CCDC170: variants seen among roughly 807,000 people sequenced by gnomAD.
CCDC170 encodes coiled-coil domain containing 170, also known as coiled-coil domain-containing protein 170.
In CCDC170, 69 loss-of-function variants were observed where a neutral mutation model predicts 72.6. That is an observed-to-expected ratio of 0.95 (90% CI 0.78 to 1.16). The LOEUF (loss-of-function observed/expected upper bound fraction) is 1.16, where lower values mean the gene tolerates loss of function less well. CCDC170 is among the 50% of genes most tolerant of loss of function. The probability of loss-of-function intolerance (pLI) is 0.00; values close to 1 mark genes in which losing one functional copy is unlikely to be tolerated. For synonymous variants in CCDC170, 300 were observed against 303.9 expected, an observed-to-expected ratio of 0.99 and a Z score of 0.13; for missense variants, 852 against 832.5, an observed-to-expected ratio of 1.02 and a Z score of -0.29.
At chr6:151,551,701 T>G (rs1208642262) in intron 5 of CCDC170, among the ~76,000 whole-genome samples, 1 of 152,126 alleles carries the variant, frequency 6.6e-6, no homozygotes, top group Non-Finnish European at 1.5e-5. Context: ...AGCTACCATG[T>G]GAGTGAGCCC....
rs143743178 is a variant in CCDC170, at chr6:151,514,087, A to C, written c.57+19902A>C. On this transcript the variant is annotated intron_variant, in intron 1 of 10. Transcript: ENST00000239374. Reference sequence around the variant, plus strand: ...CATGTGGGCAGGAGTGGTAACTGGGATAAAAAGAAATTTTGACCAGCCTGG... The same window carrying C: ...CATGTGGGCAGGAGTGGTAACTGGGCTAAAAAGAAATTTTGACCAGCCTGG... 2.7e-3 allele frequency among the ~76,000 whole-genome samples: 411 copies of C among 151,944 alleles called. 1 individual carries two copies. Among genetic ancestry groups the C allele is most frequent in the African/African-American group, 8.7e-3 (359 of 41,442 alleles).
intron 9 of CCDC170, among the ~76,000 whole-genome samples, chr6:151,598,218 A>G (rs541239920): frequency 6.6e-6 from 1 of 152,270 alleles, no homozygotes; most frequent in South Asian, 2.1e-4. Context: ...TCCCTTTGCA[A>G]CTTGAGACTG....
chr6:151,548,624 A>AGTGCAGGCT, intron 5 of CCDC170, 135 bp downstream of exon 5: 1 of 697,460 alleles, frequency 1.4e-6, no homozygotes, highest in Non-Finnish European at 2.1e-6. Flanking sequence ...AAGAGCCTGC[A>AGTGCAGGCT]CTCAGCAGGA....
intron 5 of CCDC170, among the ~76,000 whole-genome samples, chr6:151,559,570 C>T (rs1021426038): frequency 6.6e-6 from 1 of 152,124 alleles, no homozygotes; most frequent in African/African-American, 2.4e-5. Flanking sequence ...TGCTACTTTA[C>T]TGAATTTATT....
chr6:151,615,808 C>T (rs919160881), intron 10 of CCDC170, 129 bp downstream of exon 10: 4 of 729,564 alleles, frequency 5.5e-6, no homozygotes, highest in South Asian at 3.6e-5. Context: ...TGTATGTCAT[C>T]GTTTTACGAG....
intron 1 of CCDC170, among the ~76,000 whole-genome samples, chr6:151,510,237 A>G (rs534435510): frequency 6.6e-6 from 1 of 152,344 alleles, no homozygotes; most frequent in African/African-American, 2.4e-5. Flanking sequence ...CATTTTGTTC[A>G]TTCATTCCTC....
intron 8 of CCDC170, among the ~76,000 whole-genome samples, chr6:151,594,021 G>A (rs1003416772): frequency 2.6e-5 from 4 of 152,214 alleles, no homozygotes; most frequent in African/African-American, 9.7e-5. Context: ...AATTCTAGCA[G>A]AGAGAGAAGG....
chr6:151,598,097 A>T (rs1776651292), intron 9 of CCDC170, among the ~76,000 whole-genome samples: 1 of 152,080 alleles, frequency 6.6e-6, no homozygotes, highest in Non-Finnish European at 1.5e-5. Context: ...GAGAACGGGC[A>T]CCCCCCAGAG....
At chr6:151,545,570 C>T (rs1782758723) in intron 4 of CCDC170, among the ~76,000 whole-genome samples, 1 of 152,096 alleles carries the variant, frequency 6.6e-6, no homozygotes, top group Non-Finnish European at 1.5e-5. Flanking sequence ...TATTTACAAA[C>T]CTTTCATATC....
intron 9 of CCDC170, among the ~76,000 whole-genome samples, chr6:151,601,502 C>T (rs940851381): frequency 2.6e-5 from 4 of 151,816 alleles, no homozygotes; most frequent in Admixed American, 2.6e-4. Flanking sequence ...GGTCAGTGTT[C>T]TCCAGAAAAA....
chr6:151,596,656 C>G, intron 9 of CCDC170, 79 bp downstream of exon 9: 2 of 1,539,494 alleles, frequency 1.3e-6, no homozygotes, highest in Non-Finnish European at 1.7e-6. Flanking sequence ...ACAGCTTTAT[C>G]GGGACACGCC....
At chr6:151,579,974 G>A (rs1241410356) in intron 6 of CCDC170, among the ~76,000 whole-genome samples, 4 of 152,108 alleles carry the variant, frequency 2.6e-5, no homozygotes, top group Non-Finnish European at 5.9e-5. Flanking sequence ...TTGAAACCAG[G>A]GCTATCTGAC....
chr6:151,499,052 G>A (rs13212337), intron 1 of CCDC170, among the ~76,000 whole-genome samples: 2 of 132,284 alleles, frequency 1.5e-5, no homozygotes, highest in African/African-American at 6.2e-5. Context: ...GACTGTATTT[G>A]ACTATTCTAG....
chr6:151,526,519 CTT>C (rs577450833), intron 1 of CCDC170, among the ~76,000 whole-genome samples: 40 of 131,596 alleles, frequency 3.0e-4, no homozygotes, highest in Middle Eastern at 4.0e-3. Flanking sequence ...CCCGCCTGGC[CTT>C]TTTTTTTTTT....
chr6:151,610,272 A>G (rs1278175835), intron 9 of CCDC170, among the ~76,000 whole-genome samples: 1 of 152,226 alleles, frequency 6.6e-6, no homozygotes, highest in African/African-American at 2.4e-5. Flanking sequence ...ATAATTATGT[A>G]TACATATATA....
intron 9 of CCDC170, among the ~76,000 whole-genome samples, chr6:151,609,622 C>T (rs971818781): frequency 1.1e-4 from 16 of 152,228 alleles, no homozygotes; most frequent in Non-Finnish European, 2.2e-4. Flanking sequence ...ATGACCAGTT[C>T]TGTCCCACTG....
chr6:151,596,601 T>C, intron 9 of CCDC170, 24 bp downstream of exon 9: 1 of 1,610,656 alleles, frequency 6.2e-7, no homozygotes, highest in South Asian at 1.1e-5. Flanking sequence ...TTCATTTTGT[T>C]GTTGCTTTTT....
intron 3 of CCDC170, among the ~76,000 whole-genome samples, chr6:151,540,108 G>T (rs1425140937): frequency 1.3e-5 from 2 of 152,048 alleles, no homozygotes; most frequent in African/African-American, 2.4e-5. Flanking sequence ...GTCTTAGTTG[G>T]TTTGGGCTGC....
rs1328716448 is a variant in CCDC170 at position 151,600,860 on chromosome 6, C to G, written c.1710+4283C>G. ...GGACTTTGCATCACTCCTCCCACATCCTCCCCCAAAATCCCACACCCATCC... is the reference window on the plus strand; with the variant it reads ...GGACTTTGCATCACTCCTCCCACATGCTCCCCCAAAATCCCACACCCATCC... On this transcript the variant is annotated intron_variant, in intron 9 of 10. Transcript: ENST00000239374. 2.6e-5 allele frequency among the ~76,000 whole-genome samples: 4 copies of G among 152,252 alleles called. No individual in the cohort carries two copies. The East Asian group carries it at 5.8e-4, about 22-fold the overall frequency.
Sources: gnomAD v4.1 joint callset for allele counts (sites outside exome capture counted in the v4.1 genomes callset) on GRCh38, gnomAD v4.1.1 for gene constraint, MANE v1.5 for transcripts, NCBI Gene and HGNC (gene_info 2026-07-23, HGNC 2026-07-21) for gene names.